Variants in LRFN5 observed in about 807,000 individuals in gnomAD.
LRFN5 encodes leucine rich repeat and fibronectin type III domain containing 5.
LRFN5 carries 24 observed loss-of-function variants against 45.6 expected under a neutral mutation model. The ratio of observed to expected loss-of-function variants is 0.53; its 90% CI spans 0.38 to 0.74. The LOEUF is 0.74. LRFN5 is among the 30% of genes least tolerant of loss of function. The pLI is 0.00. For missense variants in LRFN5, 776 were observed against 861.5 expected (o/e 0.90, Z 1.24); for synonymous variants, 340 against 313.8 (o/e 1.08, Z -0.88).
At chr14:41,683,193 G>T (rs779881529) in intron 1 of LRFN5, among the ~76,000 whole-genome samples, 6 of 152,104 alleles carry the variant, frequency 3.9e-5, no homozygotes, top group Non-Finnish European at 7.4e-5. Flanking sequence ...GTGATACATC[G>T]TATCAATAGA....
chr14:41,883,091 T>TC (rs201117271), intron 2 of LRFN5, among the ~76,000 whole-genome samples: 1,521 of 151,182 alleles, frequency 0.01, 26 homozygotes, highest in African/African-American at 0.035. Context: ...ACGTAATCTG[T>TC]CCCCCCGACC....
intron 1 of LRFN5, among the ~76,000 whole-genome samples, chr14:41,745,509 C>A (rs934805156): frequency 6.6e-5 from 10 of 151,604 alleles, no homozygotes; most frequent in African/African-American, 2.4e-4. Context: ...CCAAACATAG[C>A]AGAGGGAAAT....
chr14:41,739,240 C>T (rs1305648846), intron 1 of LRFN5, among the ~76,000 whole-genome samples: 2 of 152,034 alleles, frequency 1.3e-5, no homozygotes, highest in Non-Finnish European at 2.9e-5. Flanking sequence ...CAAAAATAAG[C>T]CAGGCATGGT....
intron 2 of LRFN5, among the ~76,000 whole-genome samples, chr14:41,845,815 A>G (rs1889042359): frequency 6.6e-6 from 1 of 152,192 alleles, no homozygotes; most frequent in Non-Finnish European, 1.5e-5. Flanking sequence ...ATGCATTCTT[A>G]TATAAAGCCA....
chr14:41,809,912 A>G (rs1887680874), intron 2 of LRFN5, among the ~76,000 whole-genome samples: 1 of 152,036 alleles, frequency 6.6e-6, no homozygotes, highest in Admixed American at 6.6e-5. Context: ...TATGTCAGAC[A>G]ATTACTGACA....
At chr14:41,697,255 T>C (rs891322035) in intron 1 of LRFN5, among the ~76,000 whole-genome samples, 1 of 152,000 alleles carries the variant, frequency 6.6e-6, no homozygotes, top group Non-Finnish European at 1.5e-5. Flanking sequence ...TTGAGGTTTA[T>C]CAATTGCATT....
intron 2 of LRFN5, among the ~76,000 whole-genome samples, chr14:41,769,214 A>C (rs1885993907): frequency 1.3e-5 from 2 of 152,200 alleles, no homozygotes; most frequent in Admixed American, 1.3e-4. Context: ...TCTTAGAGTG[A>C]AACAGTGAAT....
At chr14:41,789,645 A>C (rs1420602173) in intron 2 of LRFN5, among the ~76,000 whole-genome samples, 1 of 151,828 alleles carries the variant, frequency 6.6e-6, no homozygotes. Context: ...CAAAAAGTAC[A>C]CTCTGCATCT....
chr14:41,756,700 G>A (rs866825800), intron 1 of LRFN5, among the ~76,000 whole-genome samples: 1 of 151,932 alleles, frequency 6.6e-6, no homozygotes, highest in South Asian at 2.1e-4. Flanking sequence ...CCATGGGTTC[G>A]AACTTCCTCC....
chr14:41,828,753 C>G (rs1408017523), intron 2 of LRFN5, among the ~76,000 whole-genome samples: 6 of 151,940 alleles, frequency 3.9e-5, no homozygotes, highest in Non-Finnish European at 5.9e-5. Flanking sequence ...TACTATTTCT[C>G]ACTTTGAGTA....
intron 2 of LRFN5, among the ~76,000 whole-genome samples, chr14:41,793,452 A>G (rs1159178818): frequency 1.3e-5 from 2 of 152,082 alleles, no homozygotes; most frequent in African/African-American, 4.8e-5. Context: ...TTGGAATATA[A>G]TTTTACTAGA....
At chr14:41,687,945 A>C (rs947730667) in intron 1 of LRFN5, among the ~76,000 whole-genome samples, 2 of 152,224 alleles carry the variant, frequency 1.3e-5, no homozygotes, top group African/African-American at 4.8e-5. Context: ...AGAAGAAATA[A>C]ATAAAAACAA....
chr14:41,837,388 T>C (rs900464289), intron 2 of LRFN5, among the ~76,000 whole-genome samples: 3 of 152,054 alleles, frequency 2.0e-5, no homozygotes, highest in Non-Finnish European at 2.9e-5. Flanking sequence ...GAGAAAGACA[T>C]AGAAGGACAG....
At chr14:41,768,365 G>T (rs1032263014) in intron 2 of LRFN5, among the ~76,000 whole-genome samples, 1 of 152,108 alleles carries the variant, frequency 6.6e-6, no homozygotes, top group African/African-American at 2.4e-5. Flanking sequence ...GATTATAAAT[G>T]TGATGATGGT....
intron 2 of LRFN5, among the ~76,000 whole-genome samples, chr14:41,781,072 A>C (rs1594702423): frequency 6.6e-6 from 1 of 152,280 alleles, no homozygotes; most frequent in South Asian, 2.1e-4. Flanking sequence ...ACAACTAGCT[A>C]TCTTTTAGAT....
At chr14:41,883,724 A>T (rs1353724557) in intron 2 of LRFN5, among the ~76,000 whole-genome samples, 1 of 152,134 alleles carries the variant, frequency 6.6e-6, no homozygotes, top group Non-Finnish European at 1.5e-5. Context: ...TCTTATTTCT[A>T]TGCCTACATT....
At chr14:41,610,923 TATC>T (rs1340323934) in intron 1 of LRFN5, among the ~76,000 whole-genome samples, 9 of 152,250 alleles carry the variant, frequency 5.9e-5, no homozygotes, top group African/African-American at 2.2e-4. Context: ...ACAGTATTGA[TATC>T]ATACTTACAA....
chr14:41,870,164 C>T (rs1889969710), intron 2 of LRFN5, among the ~76,000 whole-genome samples: 1 of 152,054 alleles, frequency 6.6e-6, no homozygotes, highest in Admixed American at 6.6e-5. Flanking sequence ...GAACTCACTT[C>T]CAAGCTCCTT....
At position 41,891,844 on chromosome 14, in the gene LRFN5, C is replaced by G; in HGVS notation, c.1980C>G (p.Val660=). The G allele has an allele frequency of 1.2e-6, 2 of 1,614,134 alleles. No homozygotes were observed. Among genetic ancestry groups the G allele is most frequent in the East Asian group, 4.5e-5 (2 of 44,870 alleles). The change falls in exon 4 of 6, where the codon GTC becomes GTG. Residue 660 remains valine, a synonymous_variant. Coordinates refer to ENST00000298119, the MANE Select transcript of LRFN5 (RefSeq NM_152447.5). ...GTACAGAACCACAGAATGAAGCCGTCACAAATGTTGAATCCCAAAACACTA... is the reference window on the plus strand; with the variant it reads ...GTACAGAACCACAGAATGAAGCCGTGACAAATGTTGAATCCCAAAACACTA... The part of the protein sequence containing the change: ...KPSTEPQNEA[V]TNVESQNTNR...
Sources: allele counts gnomAD v4.1 joint callset (sites outside exome capture counted in the v4.1 genomes callset), GRCh38; gene constraint gnomAD v4.1.1; transcripts MANE v1.5; gene names NCBI Gene and HGNC (gene_info 2026-07-23, HGNC 2026-07-21).